The following MAPKAPK2 variants were observed in gnomAD, a reference collection of about 807,000 sequenced individuals.
The protein encoded by MAPKAPK2 is MAPK activated protein kinase 2.
MAPKAPK2 carries 9 observed loss-of-function variants against 48.8 expected under a neutral mutation model. The ratio of observed to expected loss-of-function variants is 0.18; its 90% confidence interval spans 0.11 to 0.32. MAPKAPK2 has a LOEUF of 0.32. MAPKAPK2 is among the 10% of genes least tolerant of loss of function. The pLI is 1.00. For synonymous variants in MAPKAPK2, 202 were observed against 190.6 expected (o/e 1.06, Z -0.49); for missense variants, 331 against 498.3 (o/e 0.66, Z 3.20).
At chr1:206,701,831 T>TTA (rs1491448223) in intron 1 of MAPKAPK2, among the ~76,000 whole-genome samples, 13 of 86,966 alleles carry the variant, frequency 1.5e-4, no homozygotes, top group Non-Finnish European at 2.4e-4. Context: ...ACCCTGTCTC[T>TTA]AAAAAAAAAA....
rs899814312 is a variant in MAPKAPK2, at chr1:206,696,035, C to T, written c.279+10527C>T. 5.6e-5 allele frequency: 47 copies of T among 836,284 alleles called. No individual in the cohort carries two copies. The Middle Eastern group carries it at 6.6e-4, about 12-fold the overall frequency. 51.8% of individuals were successfully genotyped at this position (836,284 alleles called of 1,614,324 possible). On this transcript the variant is annotated intron_variant, in intron 1 of 9. Coordinates refer to ENST00000367103, the MANE Select transcript of MAPKAPK2 (RefSeq NM_032960.4). ...TGATACCCAGCTCTGGGCCACATCC[C>T]GGGCAGCCAACATAGCAGCATGTGG...
Position 206,732,434 on chromosome 1 carries a change from G to T in MAPKAPK2, c.1060-141G>T. 1.4e-6 allele frequency: 2 copies of T among 1,478,160 alleles called. No individual in the cohort carries two copies. The highest frequency in any genetic ancestry group is 4.9e-5 in the East Asian group (2 of 40,984). The allele number at this position is 1,478,160 out of a possible 1,614,324, so 91.6% of individuals were successfully genotyped here. On this transcript the variant is annotated intron_variant, in intron 9 of 9. Coordinates refer to ENST00000367103, the MANE Select transcript of MAPKAPK2 (RefSeq NM_032960.4). The surrounding 1 kb of genome is among the most constrained non-coding windows in gnomAD (Gnocchi z 4.4). ...CGTTGTCAGCGTGGACCACTAACCA[G>T]CCCGTCTTCTCTCTCTGCTCCCACC... is the stretch of plus-strand genomic sequence containing the variant.
intron 1 of MAPKAPK2, among the ~76,000 whole-genome samples, chr1:206,717,112 T>C (rs1673360054): frequency 6.6e-6 from 1 of 152,174 alleles, no homozygotes. Context: ...TATTACCAGC[T>C]CAGGGTTTAT....
At chr1:206,687,190 G>T (rs985066888) in intron 1 of MAPKAPK2, among the ~76,000 whole-genome samples, 1 of 152,186 alleles carries the variant, frequency 6.6e-6, no homozygotes, top group African/African-American at 2.4e-5. Flanking sequence ...TGGATATTTG[G>T]AATATTATGT....
intron 1 of MAPKAPK2, among the ~76,000 whole-genome samples, chr1:206,727,109 G>C (rs528487934): frequency 6.3e-4 from 96 of 152,306 alleles, no homozygotes; most frequent in African/African-American, 1.9e-3. Flanking sequence ...AGTGTGGACT[G>C]TGTAGGGCTC....
At chr1:206,725,707 A>G (rs11119385) in intron 1 of MAPKAPK2, among the ~76,000 whole-genome samples, 42,706 of 151,886 alleles carry the variant, frequency 0.28, 6,517 homozygotes, top group East Asian at 0.54. Flanking sequence ...TTCTGAGTAA[A>G]TCTGACAACT....
At chr1:206,730,360 T>C (rs1169948070) in intron 5 of MAPKAPK2, among the ~76,000 whole-genome samples, 1 of 152,188 alleles carries the variant, frequency 6.6e-6, no homozygotes, top group African/African-American at 2.4e-5. Flanking sequence ...TGGACCCAGG[T>C]CTTGTTCTGG....
intron 1 of MAPKAPK2, among the ~76,000 whole-genome samples, chr1:206,699,201 T>C (rs1365886076): frequency 6.6e-6 from 1 of 152,220 alleles, no homozygotes; most frequent in African/African-American, 2.4e-5. Flanking sequence ...TTGACCCTTG[T>C]AGGCCAGATG....
chr1:206,723,910 G>A (rs560996705), intron 1 of MAPKAPK2, among the ~76,000 whole-genome samples: 4 of 152,374 alleles, frequency 2.6e-5, no homozygotes, highest in East Asian at 1.9e-4. Context: ...AGTTGGCAGG[G>A]GGCCTTGCCT....
At chr1:206,687,355 T>C (rs1355105724) in intron 1 of MAPKAPK2, among the ~76,000 whole-genome samples, 1 of 152,212 alleles carries the variant, frequency 6.6e-6, no homozygotes, top group Non-Finnish European at 1.5e-5. Context: ...CTTTGAATAG[T>C]TTTGGAAGGA....
chr1:206,699,832 G>A (rs1022574042), intron 1 of MAPKAPK2, among the ~76,000 whole-genome samples: 1 of 152,136 alleles, frequency 6.6e-6, no homozygotes, highest in Non-Finnish European at 1.5e-5. Flanking sequence ...GACCGTTAGT[G>A]CAGATGGGAA....
At chr1:206,699,820 C>G (rs1291696138) in intron 1 of MAPKAPK2, among the ~76,000 whole-genome samples, 1 of 152,132 alleles carries the variant, frequency 6.6e-6, no homozygotes, top group Non-Finnish European at 1.5e-5. Context: ...TGGGATGGAG[C>G]TGACCGTTAG....
At chr1:206,712,068 T>C (rs1553429554) in intron 1 of MAPKAPK2, among the ~76,000 whole-genome samples, 2 of 152,258 alleles carry the variant, frequency 1.3e-5, no homozygotes, top group Admixed American at 6.5e-5. Context: ...AGTAACTGGC[T>C]AAGGTCAGGC....
At chr1:206,697,592 G>A (rs1553427252) in intron 1 of MAPKAPK2, among the ~76,000 whole-genome samples, 7 of 152,072 alleles carry the variant, frequency 4.6e-5, no homozygotes. Flanking sequence ...AACTCAGAGC[G>A]AGAACTCACT....
At chr1:206,729,260 C>A in intron 3 of MAPKAPK2, 136 bp from the exon 4 acceptor site, 1 of 1,096,184 alleles carries the variant, frequency 9.1e-7, no homozygotes, top group Non-Finnish European at 1.4e-6. Context: ...CTCCTGGTGG[C>A]TTTGTTTCTG....
At chr1:206,726,490 C>G (rs1673706194) in intron 1 of MAPKAPK2, among the ~76,000 whole-genome samples, 1 of 152,362 alleles carries the variant, frequency 6.6e-6, no homozygotes, top group African/African-American at 2.4e-5. Flanking sequence ...GGGAACCTTG[C>G]CTCCTGCAAC....
chr1:206,701,534 A>G (rs1553427900), intron 1 of MAPKAPK2, among the ~76,000 whole-genome samples: 1 of 152,096 alleles, frequency 6.6e-6, no homozygotes, highest in Non-Finnish European at 1.5e-5. Flanking sequence ...AGGATCTTAA[A>G]AAGTATTTAG....
chr1:206,696,687 G>T (rs1672634585), intron 1 of MAPKAPK2, among the ~76,000 whole-genome samples: 1 of 152,212 alleles, frequency 6.6e-6, no homozygotes, highest in Non-Finnish European at 1.5e-5. Flanking sequence ...CTGGGTGACA[G>T]AGCGAGACCC....
At chr1:206,698,837 T>G (rs1672707884) in intron 1 of MAPKAPK2, among the ~76,000 whole-genome samples, 2 of 147,668 alleles carry the variant, frequency 1.4e-5, no homozygotes, top group African/African-American at 2.5e-5. Context: ...ATTTGGGGGG[T>G]GGGAAGGGGG....
Sources: allele counts gnomAD v4.1 joint callset (sites outside exome capture counted in the v4.1 genomes callset), GRCh38; gene constraint gnomAD v4.1.1; non-coding constraint Gnocchi (gnomAD v3.1); transcripts MANE v1.5; gene names NCBI Gene and HGNC (gene_info 2026-07-23, HGNC 2026-07-21).